Variants in CSMD1 observed in about 807,000 individuals in gnomAD.
CSMD1 encodes the protein CUB and Sushi multiple domains 1, also known as CUB and sushi domain-containing protein 1.
In CSMD1, 213 loss-of-function variants were observed where a neutral mutation model predicts 417.5. That is an observed-to-expected ratio of 0.51 (90% CI 0.46 to 0.57). The LOEUF (loss-of-function observed/expected upper bound fraction) is 0.57. Among genes scored for constraint, CSMD1 ranks in the 20% least tolerant of loss-of-function variants. CSMD1 has a pLI of 0.00. For synonymous variants in CSMD1, 2,862 were observed against 1,736.8 expected (o/e 1.65, Z -16.11); for missense variants, 6,923 against 4,529.7 (o/e 1.53, Z -15.17).
At chr8:3,819,129 C>T (rs1372995946) in intron 5 of CSMD1, among the ~76,000 whole-genome samples, 1 of 152,100 alleles carries the variant, frequency 6.6e-6, no homozygotes, top group Non-Finnish European at 1.5e-5. Context: ...GAAAGATTTG[C>T]TGGTCTAGCA....
At chr8:4,977,100 G>C (rs367617648) in intron 1 of CSMD1, among the ~76,000 whole-genome samples, 58 of 152,220 alleles carry the variant, frequency 3.8e-4, no homozygotes, top group African/African-American at 1.3e-3. Context: ...TCTCAAGATG[G>C]AGCACATTTA....
intron 3 of CSMD1, among the ~76,000 whole-genome samples, chr8:4,375,838 A>T (rs1285586468): frequency 6.6e-6 from 1 of 152,084 alleles, no homozygotes; most frequent in Admixed American, 6.5e-5. Flanking sequence ...GCCAAAACAG[A>T]CTTCACAGTC....
intron 1 of CSMD1, among the ~76,000 whole-genome samples, chr8:4,763,310 T>C (rs1399439553): frequency 6.6e-6 from 1 of 152,190 alleles, no homozygotes; most frequent in African/African-American, 2.4e-5. Flanking sequence ...ACTCTTTCCC[T>C]CCTGAATGAT....
intron 18 of CSMD1, among the ~76,000 whole-genome samples, chr8:3,370,911 G>C (rs1809904604): frequency 1.3e-5 from 2 of 152,044 alleles, no homozygotes; most frequent in Non-Finnish European, 2.9e-5. Context: ...GGGATGCGGA[G>C]GTTGCAGTGA....
Position 4,665,674 on chromosome 8 carries a change from C to T in CSMD1, c.86-28116G>A, listed in dbSNP as rs929347801. ...GCATAACGCATTCAAGGTCCACCCA[C>T]GCTGTTGCATGGATCCATAATCTAT... On this transcript the variant is annotated intron_variant, in intron 1 of 69. Coordinates refer to ENST00000635120, the MANE Select transcript of CSMD1 (RefSeq NM_033225.6). Among the ~76,000 whole-genome samples, 5 of 152,174 alleles carry T rather than the reference C, an allele frequency of 3.3e-5. No homozygotes were observed. The East Asian group carries it at 7.7e-4, about 23-fold the overall frequency.
At chr8:3,701,748 T>G (rs74668325) in intron 7 of CSMD1, among the ~76,000 whole-genome samples, 9,743 of 152,266 alleles carry the variant, frequency 0.064, 414 homozygotes, top group Non-Finnish European at 0.1. Flanking sequence ...ATTACATCAT[T>G]AAGTATATAC....
intron 8 of CSMD1, among the ~76,000 whole-genome samples, chr8:3,598,587 G>C (rs529818521): frequency 6.6e-6 from 1 of 152,226 alleles, no homozygotes; most frequent in Non-Finnish European, 1.5e-5. Flanking sequence ...CTTTTCTGTT[G>C]TTCCTTCTTT....
At chr8:3,082,177 G>A (rs1274720973) in intron 49 of CSMD1, among the ~76,000 whole-genome samples, 1 of 152,128 alleles carries the variant, frequency 6.6e-6, no homozygotes, top group African/African-American at 2.4e-5. Flanking sequence ...AACACACATT[G>A]CTATAACCCA....
At chr8:4,061,549 G>A (rs564459504) in intron 3 of CSMD1, among the ~76,000 whole-genome samples, 1 of 152,142 alleles carries the variant, frequency 6.6e-6, no homozygotes, top group African/African-American at 2.4e-5. Context: ...AAAGCCTACA[G>A]AATAATAACC....
At chr8:3,262,027 G>A (rs1286790630) in intron 26 of CSMD1, among the ~76,000 whole-genome samples, 2 of 151,588 alleles carry the variant, frequency 1.3e-5, no homozygotes, top group Non-Finnish European at 1.5e-5. Flanking sequence ...CAGGGTCTCT[G>A]TTTTATTTGT....
At chr8:3,209,981 C>CA in intron 30 of CSMD1, among the ~76,000 whole-genome samples, 1 of 152,212 alleles carries the variant, frequency 6.6e-6, no homozygotes, top group African/African-American at 2.4e-5. Context: ...TACAATTCTA[C>CA]AAAAAACTTC....
At chr8:4,602,725 C>G (rs777150840) in intron 2 of CSMD1, among the ~76,000 whole-genome samples, 78 of 152,210 alleles carry the variant, frequency 5.1e-4, no homozygotes, top group Non-Finnish European at 7.5e-4. Flanking sequence ...TACAAGGAAG[C>G]CACCAGCATC....
At chr8:4,037,657 T>C (rs1797689504) in intron 3 of CSMD1, among the ~76,000 whole-genome samples, 1 of 152,134 alleles carries the variant, frequency 6.6e-6, no homozygotes, top group African/African-American at 2.4e-5. Context: ...TGAAAATGTT[T>C]TCCCATCAGT....
At chr8:4,122,861 C>T (rs1802563585) in intron 3 of CSMD1, among the ~76,000 whole-genome samples, 1 of 152,108 alleles carries the variant, frequency 6.6e-6, no homozygotes, top group East Asian at 1.9e-4. Context: ...AAACTTGGTC[C>T]ACATAAAGAA....
intron 3 of CSMD1, among the ~76,000 whole-genome samples, chr8:4,090,106 T>A (rs532903219): frequency 6.6e-6 from 1 of 152,364 alleles, no homozygotes; most frequent in African/African-American, 2.4e-5. Flanking sequence ...CACCTTTTGC[T>A]ATGTTTAACT....
chr8:4,671,969 G>C (rs970194379), intron 1 of CSMD1, among the ~76,000 whole-genome samples: 1 of 152,214 alleles, frequency 6.6e-6, no homozygotes, highest in African/African-American at 2.4e-5. Context: ...GAGGTAGGCA[G>C]TGTTTTGCTT....
chr8:4,667,000 A>G (rs1236654428), intron 1 of CSMD1, among the ~76,000 whole-genome samples: 1 of 152,188 alleles, frequency 6.6e-6, no homozygotes, highest in Non-Finnish European at 1.5e-5. Flanking sequence ...ATGTAAGAAT[A>G]TCAATCATTT....
In CSMD1 at chr8:4,847,949, A is replaced by C. The variant is rs942215676; in HGVS notation, c.85+146383T>G. On this transcript the variant is annotated intron_variant, in intron 1 of 69. Transcript: ENST00000635120. ...AACCCTGTACCCTTTAGCAAGCACCACCCCCCATCCCTTCAAGGCAAACAC... is the reference window on the plus strand; with the variant it reads ...AACCCTGTACCCTTTAGCAAGCACCCCCCCCCATCCCTTCAAGGCAAACAC... 3.3e-5 allele frequency among the ~76,000 whole-genome samples: 5 copies of C among 151,330 alleles called. 1 individual carries two copies. Among genetic ancestry groups the C allele is most frequent in the Non-Finnish European group, 7.4e-5 (5 of 67,842 alleles).
At chr8:3,923,260 T>C (rs1430397697) in intron 5 of CSMD1, among the ~76,000 whole-genome samples, 3 of 152,072 alleles carry the variant, frequency 2.0e-5, no homozygotes, top group East Asian at 1.9e-4. Context: ...GTCTGGTGAG[T>C]GGAGTGTCTG....
Sources: allele counts gnomAD v4.1 joint callset (sites outside exome capture counted in the v4.1 genomes callset), GRCh38; gene constraint gnomAD v4.1.1; transcripts MANE v1.5; gene names NCBI Gene and HGNC (gene_info 2026-07-23, HGNC 2026-07-21).